The following DPYD variants were observed in gnomAD, a reference collection of about 807,000 sequenced individuals.
DPYD encodes dihydropyrimidine dehydrogenase [NADP(+)].
DPYD carries 109 observed loss-of-function variants against 116.2 expected under a neutral mutation model. That is an observed-to-expected ratio of 0.94 (90% CI 0.80 to 1.10). The LOEUF is 1.10. DPYD is among the 50% of genes least tolerant of loss of function. The pLI is 0.00. For synonymous variants in DPYD, 440 were observed against 432.0 expected (o/e 1.02, Z -0.23); for missense variants, 1,302 against 1,254.5 (o/e 1.04, Z -0.57).
chr1:97,567,920 G>A (rs115117569), intron 11 of DPYD, among the ~76,000 whole-genome samples: 1,994 of 151,874 alleles, frequency 0.013, 23 homozygotes, highest in Middle Eastern at 0.024. Context: ...TATGCACAAC[G>A]TGTAGGTTTG....
At chr1:97,594,820 T>TTA (rs896961036) in intron 9 of DPYD, among the ~76,000 whole-genome samples, 1 of 152,100 alleles carries the variant, frequency 6.6e-6, no homozygotes, top group Non-Finnish European at 1.5e-5. Context: ...ATGATGTAGT[T>TTA]TAGACATATA....
intron 3 of DPYD, among the ~76,000 whole-genome samples, chr1:97,824,681 C>A (rs1050585659): frequency 6.6e-6 from 1 of 152,124 alleles, no homozygotes; most frequent in Admixed American, 6.6e-5. Flanking sequence ...ATTCCCCTGT[C>A]CTTTTCTTCT....
At position 97,753,875 on chromosome 1, in the gene DPYD, A is replaced by T. The variant is rs150503109; in HGVS notation, c.234-13396T>A. Among the ~76,000 whole-genome samples, 952 of 152,176 alleles carry T rather than the reference A, an allele frequency of 6.3e-3. 12 individuals carry two copies. The highest frequency in any genetic ancestry group is 0.022 in the African/African-American group (918 of 41,544). ...TACATATCTAACTTATATAACTTTGACTCTAAACTAATTATGTCCCTATCC... is the reference window on the plus strand; with the variant it reads ...TACATATCTAACTTATATAACTTTGTCTCTAAACTAATTATGTCCCTATCC... On this transcript the variant is annotated intron_variant, in intron 3 of 22. Transcript: ENST00000370192.
chr1:97,657,304 G>A (rs888891695), intron 8 of DPYD, among the ~76,000 whole-genome samples: 1 of 151,930 alleles, frequency 6.6e-6, no homozygotes, highest in African/African-American at 2.4e-5. Context: ...CAATTAGCCT[G>A]CCAGTAAGCA....
chr1:97,718,814 A>T (rs965942967), intron 5 of DPYD, among the ~76,000 whole-genome samples: 1 of 151,890 alleles, frequency 6.6e-6, no homozygotes, highest in Non-Finnish European at 1.5e-5. Context: ...GGTCTATTAA[A>T]TGTAAATAAT....
At chr1:97,472,871 GAT>G (rs1254913795) in intron 13 of DPYD, among the ~76,000 whole-genome samples, 1 of 152,150 alleles carries the variant, frequency 6.6e-6, no homozygotes, top group African/African-American at 2.4e-5. Flanking sequence ...ATATATTTAA[GAT>G]ATGCAATGTG....
intron 10 of DPYD, among the ~76,000 whole-genome samples, chr1:97,584,658 A>G (rs1297118158): frequency 6.6e-6 from 1 of 151,902 alleles, no homozygotes; most frequent in Non-Finnish European, 1.5e-5. Flanking sequence ...AGGGACATGG[A>G]TGAAGCTGGA....
Position 97,765,863 on chromosome 1 carries a change from C to T in DPYD, c.234-25384G>A, listed in dbSNP as rs113479456. ...ATAATTGATGCAAAAGCTAAAAAGA[C>T]GATAAGTGAACTATTATCAAAGGCT... On this transcript the variant is annotated intron_variant, in intron 3 of 22. Coordinates refer to ENST00000370192, the MANE Select transcript of DPYD (RefSeq NM_000110.4). Among the ~76,000 whole-genome samples, 1,089 of 152,258 alleles carry T rather than the reference C, an allele frequency of 7.2e-3. 13 individuals carry two copies. Among genetic ancestry groups the T allele is most frequent in the African/African-American group, 0.025 (1,021 of 41,536 alleles).
chr1:97,570,682 A>G (rs1048849056), intron 11 of DPYD, among the ~76,000 whole-genome samples: 2 of 151,934 alleles, frequency 1.3e-5, no homozygotes, highest in African/African-American at 4.8e-5. Context: ...TGAATTTGAG[A>G]AAAGATCTGT....
At chr1:97,686,636 C>CAA (rs1159274157) in intron 7 of DPYD, among the ~76,000 whole-genome samples, 490 of 10,056 alleles carry the variant, frequency 0.049, 109 homozygotes, top group Non-Finnish European at 0.083. Context: ...GACTCTGTCT[C>CAA]AAAAAAAAAA....
chr1:97,674,799 T>A (rs545488410), intron 8 of DPYD, among the ~76,000 whole-genome samples: 1 of 152,196 alleles, frequency 6.6e-6, no homozygotes, highest in Non-Finnish European at 1.5e-5. Context: ...AAACAACGAA[T>A]TCAGATTTCT....
intron 19 of DPYD, among the ~76,000 whole-genome samples, chr1:97,234,330 C>T (rs1342365171): frequency 1.3e-5 from 2 of 152,000 alleles, no homozygotes; most frequent in East Asian, 3.9e-4. Context: ...CACAGCATCC[C>T]TTTAAGAGGA....
intron 3 of DPYD, among the ~76,000 whole-genome samples, chr1:97,751,460 G>GTATGTATGTATATA (rs1553233232): frequency 4.7e-5 from 1 of 21,274 alleles, no homozygotes; most frequent in East Asian, 3.5e-3. Flanking sequence ...GTGTGTGTGT[G>GTATGTATGTATATA]TATATATATA....
chr1:97,433,292 A>G (rs1205476558), intron 14 of DPYD, among the ~76,000 whole-genome samples: 1 of 152,080 alleles, frequency 6.6e-6, no homozygotes, highest in Non-Finnish European at 1.5e-5. Flanking sequence ...GTCCCATGAG[A>G]CGGTTGGTTG....
chr1:97,638,048 T>C (rs1004677225), intron 8 of DPYD, among the ~76,000 whole-genome samples: 5 of 152,136 alleles, frequency 3.3e-5, no homozygotes, highest in African/African-American at 1.2e-4. Flanking sequence ...ATATTAATGG[T>C]GTTCTCATAA....
chr1:97,328,185 A>G (rs569363692), intron 16 of DPYD, among the ~76,000 whole-genome samples: 271 of 152,268 alleles, frequency 1.8e-3, no homozygotes, highest in Non-Finnish European at 3.3e-3. Flanking sequence ...CACATGCATA[A>G]TTCGATTTGT....
chr1:97,210,910 C>T (rs534435430), intron 19 of DPYD, among the ~76,000 whole-genome samples: 23 of 152,260 alleles, frequency 1.5e-4, no homozygotes, highest in African/African-American at 5.3e-4. Flanking sequence ...AAGTATATAT[C>T]GTGAATCTAT....
chr1:97,481,447 G>A (rs886074493), intron 13 of DPYD, among the ~76,000 whole-genome samples: 2 of 151,962 alleles, frequency 1.3e-5, no homozygotes, highest in African/African-American at 2.4e-5. Context: ...CCACTTATAG[G>A]AGTCTATTCT....
intron 18 of DPYD, among the ~76,000 whole-genome samples, chr1:97,260,456 G>T (rs140033500): frequency 1.3e-5 from 2 of 151,950 alleles, no homozygotes; most frequent in Non-Finnish European, 2.9e-5. Context: ...GAGGTGTGAT[G>T]GCTGTAGGTC....
Sources: gnomAD v4.1 joint callset for allele counts (sites outside exome capture counted in the v4.1 genomes callset) on GRCh38, gnomAD v4.1.1 for gene constraint, MANE v1.5 for transcripts, NCBI Gene and HGNC (gene_info 2026-07-23, HGNC 2026-07-21) for gene names.